Variants in ARMC7 observed in about 807,000 individuals in gnomAD.
ARMC7 encodes the protein armadillo repeat containing 7.
ARMC7 carries 9 observed loss-of-function variants against 14.8 expected under a neutral mutation model. The ratio of observed to expected loss-of-function variants is 0.61; its 90% CI spans 0.37 to 1.06. ARMC7 has a LOEUF of 1.06. ARMC7 is among the 50% of genes least tolerant of loss of function. The pLI is 0.01. For synonymous variants in ARMC7, 125 were observed against 123.4 expected, an observed-to-expected ratio of 1.01 and a Z score of -0.09; for missense variants, 262 against 267.1, an observed-to-expected ratio of 0.98 and a Z score of 0.13.
intron 2 of ARMC7, among the ~76,000 whole-genome samples, chr17:75,118,573 C>T (rs573686174): frequency 7.2e-5 from 11 of 152,370 alleles, no homozygotes; most frequent in East Asian, 1.9e-4. Flanking sequence ...GCGGAGAACA[C>T]GCACGGGTTT....
Position 75,109,979 on chromosome 17 carries a change from C to T in ARMC7, c.-310C>T, listed in dbSNP as rs566864546. 181 of 323,504 alleles carry T rather than the reference C, an allele frequency of 5.6e-4. No individual in the cohort carries two copies. The highest frequency in any genetic ancestry group is 3.4e-3 in the African/African-American group (156 of 45,640). 20.0% of individuals were successfully genotyped at this position (323,504 alleles called of 1,614,324 possible). On this transcript the variant is annotated 5_prime_UTR_variant, in exon 1 of 3. Coordinates refer to ENST00000245543, the MANE Select transcript of ARMC7 (RefSeq NM_024585.4). This position sits in a 1 kb window ranked among gnomAD's most constrained non-coding sequence, Gnocchi z 5.0. ...TTCCGCCGGGAGCCCGGAACCGAGCCCAGGAGCCGGGGACGGTGCGCCAGT... is the reference window on the plus strand; with the variant it reads ...TTCCGCCGGGAGCCCGGAACCGAGCTCAGGAGCCGGGGACGGTGCGCCAGT...
intron 2 of ARMC7, among the ~76,000 whole-genome samples, chr17:75,113,280 TC>T (rs1314012342): frequency 6.6e-6 from 1 of 151,330 alleles, no homozygotes; most frequent in Non-Finnish European, 1.5e-5. Context: ...CGCCTCAGCC[TC>T]CCAAAGTGCT....
intron 2 of ARMC7, among the ~76,000 whole-genome samples, chr17:75,126,219 C>T (rs2074050316): frequency 6.6e-6 from 1 of 152,128 alleles, no homozygotes; most frequent in Non-Finnish European, 1.5e-5. Context: ...AGTCATCTTC[C>T]CGCAGGGAGC....
intron 2 of ARMC7, among the ~76,000 whole-genome samples, chr17:75,122,304 C>T (rs1014708752): frequency 1.3e-5 from 2 of 151,418 alleles, no homozygotes; most frequent in African/African-American, 4.9e-5. Flanking sequence ...CCAGCCTGGG[C>T]GACAGAGCAA....
chr17:75,117,914 A>G (rs890373728), intron 2 of ARMC7, among the ~76,000 whole-genome samples: 11 of 152,096 alleles, frequency 7.2e-5, no homozygotes. Context: ...TGAGCTCAGG[A>G]GTTCAAGACC....
At chr17:75,123,600 C>T (rs1308078723) in intron 2 of ARMC7, among the ~76,000 whole-genome samples, 3 of 152,036 alleles carry the variant, frequency 2.0e-5, no homozygotes, top group Non-Finnish European at 2.9e-5. Context: ...TGATCCACCG[C>T]GCCCAGCCTG....
intron 2 of ARMC7, among the ~76,000 whole-genome samples, chr17:75,117,070 T>C (rs771039958): frequency 1.8e-4 from 27 of 152,064 alleles, no homozygotes; most frequent in Non-Finnish European, 3.5e-4. Flanking sequence ...GAGGCTTTGT[T>C]TTTGTTTTTG....
intron 2 of ARMC7, among the ~76,000 whole-genome samples, chr17:75,125,258 C>T (rs186234006): frequency 6.6e-6 from 1 of 152,192 alleles, no homozygotes; most frequent in Non-Finnish European, 1.5e-5. Flanking sequence ...CCCTTTCCCC[C>T]CCGGGTCAGT....
chr17:75,127,521 A>G (rs532125097), intron 2 of ARMC7, among the ~76,000 whole-genome samples: 1 of 152,024 alleles, frequency 6.6e-6, no homozygotes, highest in Admixed American at 6.6e-5. Flanking sequence ...CTGGTCTGGA[A>G]CTCCTGACCT....
chr17:75,113,475 C>T (rs1445511851), intron 2 of ARMC7, among the ~76,000 whole-genome samples: 2 of 151,644 alleles, frequency 1.3e-5, no homozygotes, highest in African/African-American at 4.8e-5. Context: ...CTGCCTCAGC[C>T]TCCCAAGTAG....
At chr17:75,115,790 G>A (rs994434617) in intron 2 of ARMC7, among the ~76,000 whole-genome samples, 5 of 152,142 alleles carry the variant, frequency 3.3e-5, no homozygotes, top group Non-Finnish European at 7.3e-5. Context: ...CTGGGTGTGG[G>A]CTCTCTCTCC....
At chr17:75,126,162 C>A (rs1226823413) in intron 2 of ARMC7, among the ~76,000 whole-genome samples, 1 of 152,142 alleles carries the variant, frequency 6.6e-6, no homozygotes. Flanking sequence ...TGAGCAGGAA[C>A]CAAAGGGAGG....
intron 2 of ARMC7, among the ~76,000 whole-genome samples, chr17:75,120,180 G>T (rs1244126982): frequency 2.0e-5 from 3 of 152,190 alleles, no homozygotes; most frequent in Admixed American, 2.0e-4. Flanking sequence ...GGGATTACAG[G>T]CATGAGCCCC....
intron 2 of ARMC7, among the ~76,000 whole-genome samples, chr17:75,117,812 AGGACAGATATTAAGATG>A (rs2073983826): frequency 1.3e-5 from 2 of 152,158 alleles, no homozygotes; most frequent in Non-Finnish European, 2.9e-5. Context: ...AAGCAACTCA[AGGACAGATATTAAGATG>A]TTATCTTTAG....
Position 75,113,804 on chromosome 17 carries a change from C to T in ARMC7, c.235+3198C>T, listed in dbSNP as rs555974154. On this transcript the variant is annotated intron_variant, in intron 2 of 2. Transcript: ENST00000245543. ...CACATGTGTGTGCGGATTCACACCCCCACAGACAGCTGCCCCTTGGCCACT... is the reference window on the plus strand; with the variant it reads ...CACATGTGTGTGCGGATTCACACCCTCACAGACAGCTGCCCCTTGGCCACT... Among the ~76,000 whole-genome samples the T allele has an allele frequency of 9.8e-5, 15 of 152,328 alleles. 1 individual carries two copies. In the South Asian group the frequency reaches 2.9e-3, roughly 29 times the overall value.
chr17:75,122,378 T>A (rs1418976914), intron 2 of ARMC7, among the ~76,000 whole-genome samples: 1 of 151,516 alleles, frequency 6.6e-6, no homozygotes, highest in Admixed American at 6.6e-5. Context: ...TATTATTATT[T>A]TTGACGGGGT....
Position 75,110,305 on chromosome 17 carries a change from A to C in ARMC7, c.17A>C (p.Lys6Thr). 1 of 1,612,730 alleles carries C rather than the reference A, an allele frequency of 6.2e-7. No individual in the cohort carries two copies. Among genetic ancestry groups the C allele is most frequent in the Middle Eastern group, 1.9e-4 (1 of 5,364 alleles). MAQKP[K>T]VDPHVGRLGY... ...ACCGCGGCCATGGCCCAGAAGCCGAAGGTGGACCCCCACGTCGGGCGGCTG... is the reference window on the plus strand; with the variant it reads ...ACCGCGGCCATGGCCCAGAAGCCGACGGTGGACCCCCACGTCGGGCGGCTG... The change falls in exon 1 of 3, where the codon AAG becomes ACG. Residue 6 changes from lysine to threonine, a missense_variant. Lys to Thr is a moderately conservative substitution (Grantham distance 78). Coordinates refer to ENST00000245543, the MANE Select transcript of ARMC7 (RefSeq NM_024585.4).
At position 75,130,187 on chromosome 17, in the gene ARMC7, G is replaced by T. The variant is rs574401704; in HGVS notation, c.*1149G>T. ...GGGCTCATCAGCACCCGCTCAGGGAGCCTGTCCCTTTATGTTCCCAAATAA... is the reference window on the plus strand; with the variant it reads ...GGGCTCATCAGCACCCGCTCAGGGATCCTGTCCCTTTATGTTCCCAAATAA... On this transcript the variant is annotated 3_prime_UTR_variant, in exon 3 of 3. Coordinates refer to ENST00000245543, the MANE Select transcript of ARMC7 (RefSeq NM_024585.4). 5.7e-6 allele frequency: 2 copies of T among 348,502 alleles called. No individual in the cohort carries two copies. Among genetic ancestry groups the T allele is most frequent in the African/African-American group, 4.2e-5 (2 of 47,996 alleles). The allele number at this position is 348,502 out of a possible 1,614,324, so 21.6% of individuals were successfully genotyped here.
chr17:75,112,603 TCTCA>T (rs1460181060), intron 2 of ARMC7, among the ~76,000 whole-genome samples: 1 of 138,516 alleles, frequency 7.2e-6, no homozygotes, highest in South Asian at 2.2e-4. Flanking sequence ...TGAGATAGGG[TCTCA>T]CTCTGTCACT....
Sources: gnomAD v4.1 joint callset for allele counts (sites outside exome capture counted in the v4.1 genomes callset) on GRCh38, gnomAD v4.1.1 for gene constraint, Gnocchi (gnomAD v3.1) non-coding constraint, MANE v1.5 for transcripts, NCBI Gene and HGNC (gene_info 2026-07-23, HGNC 2026-07-21) for gene names.